Variants in ERC2 observed in about 807,000 individuals in gnomAD.
ERC2 encodes ERC protein 2.
A neutral mutation model predicts 114.8 loss-of-function variants in ERC2; 42 were observed. The observed-to-expected ratio is 0.37, with a 90% confidence interval of 0.29 to 0.47. ERC2 has a LOEUF of 0.47. Among genes scored for constraint, ERC2 ranks in the 20% least tolerant of loss-of-function variants. The pLI is 0.99. For synonymous variants in ERC2, 454 were observed against 425.5 expected, an observed-to-expected ratio of 1.07 and a Z score of -0.82; for missense variants, 939 against 1,150.7, an observed-to-expected ratio of 0.82 and a Z score of 2.66.
chr3:56,059,236 G>A (rs548204706), intron 7 of ERC2, among the ~76,000 whole-genome samples: 23 of 152,012 alleles, frequency 1.5e-4, no homozygotes, highest in African/African-American at 4.1e-4. Flanking sequence ...GACTATTGGC[G>A]CCCGCCAACA....
intron 2 of ERC2, among the ~76,000 whole-genome samples, chr3:56,315,201 A>G (rs1364733019): frequency 6.6e-6 from 1 of 152,208 alleles, no homozygotes; most frequent in Non-Finnish European, 1.5e-5. Context: ...GGATTTTTTC[A>G]GATTTGACAT....
At chr3:56,192,200 G>A (rs527734747) in intron 3 of ERC2, among the ~76,000 whole-genome samples, 1 of 152,242 alleles carries the variant, frequency 6.6e-6, no homozygotes, top group African/African-American at 2.4e-5. Context: ...CTCTGGGAGG[G>A]TTGGGCAGAA....
chr3:55,569,949 C>G (rs1302185938), intron 17 of ERC2, among the ~76,000 whole-genome samples: 1 of 151,458 alleles, frequency 6.6e-6, no homozygotes, highest in Non-Finnish European at 1.5e-5. Context: ...CCTCCACCTC[C>G]CGGGTTCAAG....
At chr3:56,118,876 C>T (rs9820348) in intron 6 of ERC2, among the ~76,000 whole-genome samples, 27,308 of 151,942 alleles carry the variant, frequency 0.18, 3,068 homozygotes, top group African/African-American at 0.31. Context: ...GACCTTGTGA[C>T]CCACCCGCCT....
chr3:55,714,920 AGATACT>A (rs2064024302), intron 15 of ERC2, among the ~76,000 whole-genome samples: 1 of 151,434 alleles, frequency 6.6e-6, no homozygotes, highest in Non-Finnish European at 1.5e-5. Flanking sequence ...TATTAGGGGG[AGATACT>A]GTTGAAATCA....
Position 56,170,763 on chromosome 3 carries a change from A to ATTT in ERC2, c.1149+2680_1149+2682dup, listed in dbSNP as rs71099618. Among the ~76,000 whole-genome samples the ATTT allele has an allele frequency of 1.7e-3, 196 of 118,580 alleles. 13 individuals are homozygous for ATTT. Among genetic ancestry groups the ATTT allele is most frequent in the South Asian group, 4.8e-3 (16 of 3,302 alleles). The allele number at this position is 118,580 out of a possible 152,430, so 77.8% of individuals were successfully genotyped here. A position where few individuals can be genotyped will look rare whatever the true frequency, so the allele number is the denominator to read the frequency against. On this transcript the variant is annotated intron_variant, in intron 4 of 17. Coordinates refer to ENST00000288221, the MANE Select transcript of ERC2 (RefSeq NM_015576.3). Reference sequence around the variant, plus strand: ...AGCTGCCCGCCACCACACCTGGCTAATTTTTTTTTTTTTTTTTCTGAGACA... The same window carrying ATTT: ...AGCTGCCCGCCACCACACCTGGCTAATTTTTTTTTTTTTTTTTTTTCTGAGACA...
At chr3:56,428,558 A>AGG (rs1553627243) in intron 2 of ERC2, among the ~76,000 whole-genome samples, 9 of 64,336 alleles carry the variant, frequency 1.4e-4, no homozygotes, top group East Asian at 9.4e-4. Context: ...GAAGGAAGGG[A>AGG]GGGAGGGAGG....
At chr3:56,447,355 G>A (rs571609706) in intron 1 of ERC2, among the ~76,000 whole-genome samples, 1 of 152,310 alleles carries the variant, frequency 6.6e-6, no homozygotes, top group East Asian at 1.9e-4. Context: ...TCCAGATTTG[G>A]ATGTGGGATT....
intron 7 of ERC2, among the ~76,000 whole-genome samples, chr3:56,079,896 T>C (rs1457538597): frequency 6.6e-6 from 1 of 151,954 alleles, no homozygotes; most frequent in East Asian, 1.9e-4. Flanking sequence ...AGGTGAGAAA[T>C]GATGATAGCA....
chr3:56,371,726 C>A (rs1022915061), intron 2 of ERC2, among the ~76,000 whole-genome samples: 4 of 152,252 alleles, frequency 2.6e-5, no homozygotes, highest in African/African-American at 9.6e-5. Flanking sequence ...TTAATATCCC[C>A]TCCCTTGGCT....
intron 4 of ERC2, among the ~76,000 whole-genome samples, chr3:56,167,247 T>G (rs1464705463): frequency 2.0e-5 from 3 of 152,138 alleles, no homozygotes; most frequent in African/African-American, 7.2e-5. Flanking sequence ...TTCCATTAGC[T>G]CCTTAAAGAC....
intron 8 of ERC2, among the ~76,000 whole-genome samples, chr3:56,010,906 T>C (rs931338497): frequency 6.6e-6 from 1 of 152,178 alleles, no homozygotes; most frequent in Non-Finnish European, 1.5e-5. Context: ...AAGAGGGAGC[T>C]TCAGACACCA....
At chr3:55,619,401 T>C (rs771094682) in intron 17 of ERC2, among the ~76,000 whole-genome samples, 9 of 152,236 alleles carry the variant, frequency 5.9e-5, no homozygotes, top group Non-Finnish European at 1.0e-4. Flanking sequence ...CCAGGCTTTG[T>C]GTGCATCAGG....
At chr3:55,769,962 G>A (rs997966342) in intron 14 of ERC2, among the ~76,000 whole-genome samples, 3 of 152,204 alleles carry the variant, frequency 2.0e-5, no homozygotes, top group Non-Finnish European at 4.4e-5. Flanking sequence ...TTTGCCAGGT[G>A]ATTTGCAGGC....
In ERC2 at chr3:55,770,753, C is replaced by T. The variant is rs560080066; in HGVS notation, c.2565-35835G>A. On this transcript the variant is annotated intron_variant, in intron 14 of 17. Coordinates refer to ENST00000288221, the MANE Select transcript of ERC2 (RefSeq NM_015576.3). ...TGGTGGTTTGCTGCACCCCTCAACT[C>T]GTTATCTATATTAGGTATTTCTCCT... Among the ~76,000 whole-genome samples the T allele has an allele frequency of 2.5e-4, 38 of 152,242 alleles. 1 individual carries two copies. Among genetic ancestry groups the T allele is most frequent in the Admixed American group, 2.3e-3 (35 of 15,284 alleles).
At chr3:56,127,211 T>C (rs931151242) in intron 6 of ERC2, among the ~76,000 whole-genome samples, 1 of 152,150 alleles carries the variant, frequency 6.6e-6, no homozygotes, top group East Asian at 1.9e-4. Flanking sequence ...TGTTCACGGA[T>C]TGGAAGAATT....
chr3:55,530,526 T>A (rs1308371584), intron 17 of ERC2, among the ~76,000 whole-genome samples: 3 of 152,130 alleles, frequency 2.0e-5, no homozygotes, highest in African/African-American at 7.2e-5. Context: ...GCACAGCAGC[T>A]TCCCAAGATA....
Position 56,010,517 on chromosome 3 carries a change from A to G in ERC2, c.1852T>C (p.Phe618Leu). Reference protein sequence around the residue: ...DRERLEEIESFRKENKDLKEK... With the variant: ...DRERLEEIESLRKENKDLKEK... ...TTCAGGTCTTTGTTCTCTTTTCGGA[A>G]GGATTCTATCTCTTCTAGTCTTTCC... The change falls in exon 9 of 18, where the codon TTC becomes CTC. Residue 618 changes from phenylalanine to leucine, a missense_variant. Phe to Leu is a conservative substitution (Grantham distance 22). This residue lies in a region of ERC2 where 149 missense variants were observed against 254.6 expected (regional missense o/e 0.59). Coordinates refer to ENST00000288221, the MANE Select transcript of ERC2 (RefSeq NM_015576.3). The G allele has an allele frequency of 6.2e-7, 1 of 1,613,712 alleles. No homozygotes were observed. Among genetic ancestry groups the G allele is most frequent in the Non-Finnish European group, 8.5e-7 (1 of 1,179,738 alleles).
chr3:56,278,992 C>T (rs898791075), intron 3 of ERC2, among the ~76,000 whole-genome samples: 2 of 152,202 alleles, frequency 1.3e-5, no homozygotes, highest in African/African-American at 4.8e-5. Context: ...ATAGCATGTG[C>T]CATACCAGGC....
Sources: gnomAD v4.1 joint callset for allele counts (sites outside exome capture counted in the v4.1 genomes callset) on GRCh38, gnomAD v4.1.1 for gene constraint, gnomAD v4.1.1 regional missense constraint, MANE v1.5 for transcripts, NCBI Gene and HGNC (gene_info 2026-07-23, HGNC 2026-07-21) for gene names.